SLC6A11: variants seen among roughly 807,000 people sequenced by gnomAD.
SLC6A11 encodes the protein sodium- and chloride-dependent GABA transporter 3.
SLC6A11 carries 25 observed loss-of-function variants against 74.8 expected under a neutral mutation model. The ratio of observed to expected loss-of-function variants is 0.33; its 90% confidence interval spans 0.24 to 0.47. The LOEUF (loss-of-function observed/expected upper bound fraction) is 0.47. Among genes scored for constraint, SLC6A11 ranks in the 20% least tolerant of loss-of-function variants. SLC6A11 has a pLI of 1.00. For synonymous variants in SLC6A11, 330 were observed against 330.2 expected, an observed-to-expected ratio of 1.00 and a Z score of 0.01; for missense variants, 574 against 837.0, an observed-to-expected ratio of 0.69 and a Z score of 3.88.
chr3:10,872,352 G>A (rs1473265571), intron 5 of SLC6A11, among the ~76,000 whole-genome samples: 2 of 152,228 alleles, frequency 1.3e-5, no homozygotes, highest in Non-Finnish European at 2.9e-5. Context: ...TTATTATCAT[G>A]TGTAAAGGGC....
At position 10,836,841 on chromosome 3, in the gene SLC6A11, C is replaced by G. The variant is rs142597346; in HGVS notation, c.624-7373C>G. ...CAGCAAACTACTGGCCAAATCCCAG[C>G]TGCTGCCTGTTTTTGTAAATAAAGT... is the stretch of plus-strand genomic sequence containing the variant. On this transcript the variant is annotated intron_variant, in intron 4 of 13. Transcript: ENST00000254488. Among the ~76,000 whole-genome samples, 568 of 152,350 alleles carry G rather than the reference C, an allele frequency of 3.7e-3. 5 individuals are homozygous for G. Among genetic ancestry groups the G allele is most frequent in the African/African-American group, 0.013 (544 of 41,588 alleles).
At chr3:10,873,589 C>G (rs1190183154) in intron 5 of SLC6A11, among the ~76,000 whole-genome samples, 7 of 143,320 alleles carry the variant, frequency 4.9e-5, no homozygotes, top group South Asian at 2.5e-4. Context: ...CCTACGCTAT[C>G]CTATCCTATC....
intron 6 of SLC6A11, among the ~76,000 whole-genome samples, chr3:10,891,940 G>T (rs1246656358): frequency 6.6e-6 from 1 of 152,220 alleles, no homozygotes; most frequent in Non-Finnish European, 1.5e-5. Flanking sequence ...GCAGATGTGT[G>T]TGAAAGAGCT....
intron 13 of SLC6A11, 55 bp from the exon 14 acceptor site, chr3:10,938,194 AC>A: frequency 6.6e-7 from 1 of 1,516,788 alleles, no homozygotes; most frequent in East Asian, 2.3e-5. Flanking sequence ...GCCACGGCAG[AC>A]CCTGGACCCT....
At chr3:10,841,892 T>TC (rs1694442760) in intron 4 of SLC6A11, among the ~76,000 whole-genome samples, 1 of 152,352 alleles carries the variant, frequency 6.6e-6, no homozygotes, top group South Asian at 2.1e-4. Flanking sequence ...ACCTCGTGTG[T>TC]TCCTCCAGTG....
intron 5 of SLC6A11, among the ~76,000 whole-genome samples, chr3:10,858,500 A>G (rs1317504608): frequency 6.6e-6 from 1 of 152,186 alleles, no homozygotes; most frequent in Non-Finnish European, 1.5e-5. Flanking sequence ...CATCTTTATG[A>G]TGACTCGAAA....
At position 10,933,270 on chromosome 3, in the gene SLC6A11, C is replaced by A; in HGVS notation, c.1474+17C>A. The A allele has an allele frequency of 2.6e-6, 4 of 1,554,578 alleles. No homozygotes were observed. Among genetic ancestry groups the A allele is most frequent in the African/African-American group, 1.4e-5 (1 of 73,734 alleles). On this transcript the variant is annotated intron_variant, in intron 11 of 13. Coordinates refer to ENST00000254488, the MANE Select transcript of SLC6A11 (RefSeq NM_014229.3). Reference sequence around the variant, plus strand: ...GGGTGTATGGTGAGTAGCAGCCAAGCCCGTCCACACCCCAGCTGCCCACCA... The same window carrying A: ...GGGTGTATGGTGAGTAGCAGCCAAGACCGTCCACACCCCAGCTGCCCACCA...
At chr3:10,868,310 G>T (rs1268751190) in intron 5 of SLC6A11, among the ~76,000 whole-genome samples, 1 of 152,136 alleles carries the variant, frequency 6.6e-6, no homozygotes, top group Non-Finnish European at 1.5e-5. Context: ...AAATCTTAGG[G>T]TGGGGTGGCC....
At chr3:10,837,535 C>T (rs1694382107) in intron 4 of SLC6A11, among the ~76,000 whole-genome samples, 1 of 152,202 alleles carries the variant, frequency 6.6e-6, no homozygotes, top group African/African-American at 2.4e-5. Context: ...GCCACAGTTT[C>T]CTTATCTGTA....
chr3:10,930,046 A>C (rs1332545722), intron 10 of SLC6A11, among the ~76,000 whole-genome samples: 1 of 152,254 alleles, frequency 6.6e-6, no homozygotes, highest in African/African-American at 2.4e-5. Context: ...GCCTAGAAAC[A>C]AGAATAGGTT....
chr3:10,934,247 C>G (rs190432400), intron 12 of SLC6A11, 81 bp downstream of exon 12: 47 of 975,768 alleles, frequency 4.8e-5, no homozygotes, highest in Non-Finnish European at 7.2e-5. Context: ...CCGTAGCCCC[C>G]ACCCTGGCCG....
At chr3:10,836,009 C>T (rs372250536) in intron 4 of SLC6A11, among the ~76,000 whole-genome samples, 9 of 152,152 alleles carry the variant, frequency 5.9e-5, no homozygotes, top group Non-Finnish European at 1.3e-4. Flanking sequence ...AGCTCTCTGC[C>T]CATTCACCAT....
chr3:10,870,793 C>A (rs1694819915), intron 5 of SLC6A11, among the ~76,000 whole-genome samples: 1 of 152,144 alleles, frequency 6.6e-6, no homozygotes, highest in Non-Finnish European at 1.5e-5. Context: ...CCTTTTGTAC[C>A]CTGACTCAAG....
intron 6 of SLC6A11, among the ~76,000 whole-genome samples, chr3:10,882,199 T>C (rs1694989446): frequency 6.6e-6 from 1 of 152,256 alleles, no homozygotes; most frequent in Non-Finnish European, 1.5e-5. Context: ...AAGTCATTTC[T>C]ACTCCTTCTT....
At chr3:10,819,914 C>T (rs1694116083) in intron 3 of SLC6A11, 62 bp downstream of exon 3, 33 of 1,577,794 alleles carry the variant, frequency 2.1e-5, no homozygotes, top group Non-Finnish European at 2.6e-5. Flanking sequence ...GGGGTTTGTT[C>T]ATGCCCTTCA....
intron 6 of SLC6A11, among the ~76,000 whole-genome samples, chr3:10,879,954 G>A (rs1321194498): frequency 1.3e-5 from 2 of 152,120 alleles, no homozygotes; most frequent in African/African-American, 4.8e-5. Flanking sequence ...TGTCATATAT[G>A]TGATTAAAAG....
intron 6 of SLC6A11, among the ~76,000 whole-genome samples, chr3:10,892,191 C>G (rs112302483): frequency 6.6e-6 from 1 of 152,260 alleles, no homozygotes; most frequent in South Asian, 2.1e-4. Context: ...TGAAAACTCA[C>G]TGGTGTGTGA....
chr3:10,899,977 T>G (rs1272946237), intron 6 of SLC6A11, among the ~76,000 whole-genome samples: 4 of 152,214 alleles, frequency 2.6e-5, no homozygotes, highest in Admixed American at 2.6e-4. Context: ...GCTCACTATG[T>G]CTGACAGGTG....
chr3:10,819,565 T>C lies in SLC6A11; in HGVS notation c.357T>C (p.Ile119=), dbSNP rs749016261. The stretch of plus-strand genomic sequence containing the variant: ...GGCAGTTCACAAGTGAAGGTGGCAT[T>C]ACGTGTTGGAGGAAAGTTTGCCCTT... ...ALGQFTSEGG[I]TCWRKVCPLF... The change falls in exon 2 of 14, where the codon ATT becomes ATC. Residue 119 remains isoleucine (I), a synonymous_variant. Transcript: ENST00000254488. The C allele has an allele frequency of 1.9e-6, 3 of 1,614,196 alleles. No homozygotes were observed. The highest frequency in any genetic ancestry group is 2.5e-6 in the Non-Finnish European group (3 of 1,180,026).
Sources: gnomAD v4.1 joint callset for allele counts (sites outside exome capture counted in the v4.1 genomes callset) on GRCh38, gnomAD v4.1.1 for gene constraint, MANE v1.5 for transcripts, NCBI Gene and HGNC (gene_info 2026-07-23, HGNC 2026-07-21) for gene names.